Variants in HERC2 observed in about 807,000 individuals in gnomAD.
HERC2 encodes HECT and RLD domain containing E3 ubiquitin protein ligase 2.
Under a neutral mutation model 537.7 loss-of-function variants are expected in HERC2, and 102 were observed. The ratio of observed to expected loss-of-function variants is 0.19; its 90% CI spans 0.16 to 0.22. The LOEUF (loss-of-function observed/expected upper bound fraction) is 0.22, where lower values mean the gene tolerates loss of function less well. Ranked by LOEUF, HERC2 falls within the 10% of genes least tolerant of loss-of-function variation. The pLI, the probability that HERC2 is intolerant of heterozygous loss-of-function variation, is 1.00. For missense variants in HERC2, 4,236 were observed against 6,198.2 expected, an observed-to-expected ratio of 0.68 and a Z score of 10.63; for synonymous variants, 2,224 against 2,466.2, an observed-to-expected ratio of 0.90 and a Z score of 2.91.
At chr15:28,130,448 A>G (rs1392073893) in intron 82 of HERC2, 55 bp downstream of exon 82, 13 of 1,578,912 alleles carry the variant, frequency 8.2e-6, no homozygotes, top group Non-Finnish European at 1.1e-5. Context: ...GGTGGTGCAC[A>G]TACCCCAATA....
chr15:28,249,834 T>A (rs1482858938), intron 20 of HERC2, among the ~76,000 whole-genome samples: 19 of 147,282 alleles, frequency 1.3e-4, no homozygotes, highest in African/African-American at 3.4e-4. Context: ...TTTTTTTTTT[T>A]AAGTGGAGAC....
intron 52 of HERC2, among the ~76,000 whole-genome samples, chr15:28,193,266 CA>C (rs1383174160): frequency 6.6e-6 from 1 of 151,900 alleles, no homozygotes; most frequent in African/African-American, 2.4e-5. Context: ...TTACTGTGTT[CA>C]AAAAGATAAT....
At chr15:28,283,390 TG>T (rs1289385321) in intron 4 of HERC2, among the ~76,000 whole-genome samples, 3 of 152,192 alleles carry the variant, frequency 2.0e-5, no homozygotes, top group Non-Finnish European at 2.9e-5. Flanking sequence ...GGAGCCCAGC[TG>T]AAAGTACAAA....
intron 12 of HERC2, among the ~76,000 whole-genome samples, chr15:28,266,849 T>G (rs1269070588): frequency 6.6e-6 from 1 of 152,160 alleles, no homozygotes; most frequent in Admixed American, 6.5e-5. Context: ...GTGACCCAAC[T>G]GCGTGCACTT....
At chr15:28,284,205 T>A (rs1052611862) in intron 4 of HERC2, among the ~76,000 whole-genome samples, 1 of 152,102 alleles carries the variant, frequency 6.6e-6, no homozygotes, top group Non-Finnish European at 1.5e-5. Context: ...TCAATCTGTA[T>A]GTAACATATT....
chr15:28,198,001 T>C (rs540970359), intron 50 of HERC2, among the ~76,000 whole-genome samples: 1 of 152,320 alleles, frequency 6.6e-6, no homozygotes, highest in Admixed American at 6.5e-5. Context: ...GACGTTAGCA[T>C]GGCTCCATTC....
intron 2 of HERC2, among the ~76,000 whole-genome samples, chr15:28,310,777 G>A (rs1448155704): frequency 6.6e-6 from 1 of 152,030 alleles, no homozygotes; most frequent in African/African-American, 2.4e-5. Flanking sequence ...CAGAGAAGGT[G>A]AACTAAGAAG....
intron 88 of HERC2, 130 bp from the exon 89 acceptor site, chr15:28,115,671 A>C: frequency 1.5e-6 from 1 of 653,962 alleles, no homozygotes; most frequent in South Asian, 1.8e-5. Flanking sequence ...CAACACCCAC[A>C]TCATAGGTCT....
chr15:28,283,611 G>C (rs1481399486), intron 4 of HERC2, among the ~76,000 whole-genome samples: 1 of 152,170 alleles, frequency 6.6e-6, no homozygotes, highest in Non-Finnish European at 1.5e-5. Context: ...CTGGAAGGAG[G>C]AGATGACAAG....
At chr15:28,315,571 G>C (rs2077059921) in intron 2 of HERC2, 10 of 453,918 alleles carry the variant, frequency 2.2e-5, no homozygotes, top group South Asian at 1.2e-4. Context: ...AAGGCAGGTG[G>C]ATCACGAGCT....
chr15:28,256,982 C>T, intron 17 of HERC2, 79 bp downstream of exon 17: 1 of 1,189,914 alleles, frequency 8.4e-7, no homozygotes, highest in Non-Finnish European at 1.2e-6. Flanking sequence ...AAAACCCATG[C>T]CCTTCAAAAT....
At chr15:28,246,634 C>T in intron 22 of HERC2, 108 bp downstream of exon 22, 1 of 993,342 alleles carries the variant, frequency 1.0e-6, no homozygotes, top group South Asian at 2.2e-5. Flanking sequence ...GCAGGAGGCC[C>T]AGAAAATTTA....
At chr15:28,192,481 T>C (rs1896942437) in intron 52 of HERC2, among the ~76,000 whole-genome samples, 2 of 152,164 alleles carry the variant, frequency 1.3e-5, no homozygotes, top group Admixed American at 1.3e-4. Context: ...AATGCTTTTA[T>C]AAATACAAGG....
chr15:28,274,299 G>A lies in HERC2; in HGVS notation c.792C>T (p.Val264=), dbSNP rs766205662. 7 of 1,614,058 alleles carry A rather than the reference G, an allele frequency of 4.3e-6. No individual in the cohort carries two copies. The highest frequency in any genetic ancestry group is 3.3e-5 in the Admixed American group (2 of 59,996). ...GAAAGGAAAGAACTCACCCCGTCAC[G>A]ACGGACCTGAGGAACCTGGTCGCTC... is the stretch of plus-strand genomic sequence containing the variant. ...VERATRFLRS[V]VTGDVHGTPA... The change falls in exon 7 of 93, where the codon GTC becomes GTT. Residue 264 remains valine, a synonymous_variant. Coordinates refer to ENST00000261609, the MANE Select transcript of HERC2 (RefSeq NM_004667.6).
intron 45 of HERC2, chr15:28,203,309 T>G (rs1898070459): frequency 7.1e-6 from 1 of 141,306 alleles, no homozygotes; most frequent in South Asian, 2.4e-4. Flanking sequence ...AAACGGAGCA[T>G]GTGAGGAAGG....
In HERC2 at chr15:28,225,352, A is replaced by G. The variant is rs114771721; in HGVS notation, c.5464+2866T>C. Among the ~76,000 whole-genome samples, 541 of 152,212 alleles carry G rather than the reference A, an allele frequency of 3.6e-3. 6 individuals carry two copies. Among genetic ancestry groups the G allele is most frequent in the African/African-American group, 0.012 (515 of 41,524 alleles). ...TAGAGAATAGAAAAATAACAAAACC[A>G]AAAGTTTGGTTTCTGACAAGAACAA... On this transcript the variant is annotated intron_variant, in intron 35 of 92. Coordinates refer to ENST00000261609, the MANE Select transcript of HERC2 (RefSeq NM_004667.6).
intron 57 of HERC2, among the ~76,000 whole-genome samples, chr15:28,181,747 C>G (rs1177570709): frequency 1.3e-5 from 2 of 152,174 alleles, no homozygotes; most frequent in Non-Finnish European, 2.9e-5. Context: ...TCTTTTTCTC[C>G]TAAGCAACTC....
intron 86 of HERC2, among the ~76,000 whole-genome samples, chr15:28,119,038 T>G (rs1199946674): frequency 6.6e-6 from 1 of 151,910 alleles, no homozygotes; most frequent in Non-Finnish European, 1.5e-5. Flanking sequence ...GAGGCTGAGG[T>G]GAGTGGATCA....
chr15:28,204,537 T>C (rs866238562), intron 45 of HERC2, among the ~76,000 whole-genome samples: 5 of 151,238 alleles, frequency 3.3e-5, no homozygotes, highest in South Asian at 2.1e-4. Flanking sequence ...GGAGAATCAC[T>C]TGAACCCAAG....
Sources: gnomAD v4.1 joint callset for allele counts (sites outside exome capture counted in the v4.1 genomes callset) on GRCh38, gnomAD v4.1.1 for gene constraint, MANE v1.5 for transcripts, NCBI Gene and HGNC (gene_info 2026-07-23, HGNC 2026-07-21) for gene names.